ACTR3C: variants seen among roughly 807,000 people sequenced by gnomAD.
The protein encoded by ACTR3C is actin-related protein 3C.
Under a neutral mutation model 26.3 loss-of-function variants are expected in ACTR3C, and 18 were observed. That is an observed-to-expected ratio of 0.68 (90% CI 0.47 to 1.01). The LOEUF is 1.01. ACTR3C is among the 50% of genes least tolerant of loss of function. The pLI is 0.00. For synonymous variants in ACTR3C, 55 were observed against 94.5 expected (o/e 0.58, Z 2.42); for missense variants, 184 against 250.7 (o/e 0.73, Z 1.80).
chr7:150,158,475 T>C, the ACTR3C span, among the ~76,000 whole-genome samples: 1 of 152,070 alleles, frequency 6.6e-6, no homozygotes, highest in Admixed American at 6.5e-5. Context: ...ATGAAGAAAT[T>C]GTAGTAACTA....
chr7:150,253,627 A>G, intron 6 of ACTR3C, among the ~76,000 whole-genome samples: 1 of 152,008 alleles, frequency 6.6e-6, no homozygotes, highest in Non-Finnish European at 1.5e-5. Flanking sequence ...AAATTACCAA[A>G]TACCAATCAT....
intron 1 of ACTR3C, among the ~76,000 whole-genome samples, chr7:150,299,679 G>A (rs1795272490): frequency 1.3e-5 from 2 of 151,850 alleles, no homozygotes; most frequent in South Asian, 4.2e-4. Flanking sequence ...CCAGCCAGTC[G>A]GGTGGCTGAG....
the ACTR3C span, among the ~76,000 whole-genome samples, chr7:150,008,730 C>CTGCTATCTGCT: frequency 2.0e-5 from 3 of 151,002 alleles, no homozygotes; most frequent in African/African-American, 7.3e-5. Context: ...TGCACATCTG[C>CTGCTATCTGCT]TGCTATCAAG....
chr7:149,943,398 A>T, the ACTR3C span, among the ~76,000 whole-genome samples: 1 of 151,512 alleles, frequency 6.6e-6, no homozygotes, highest in Non-Finnish European at 1.5e-5. Context: ...TTATCAATGG[A>T]TGTGAAATGG....
the ACTR3C span, among the ~76,000 whole-genome samples, chr7:150,159,610 TCA>T: frequency 1.3e-5 from 2 of 152,062 alleles, no homozygotes; most frequent in Non-Finnish European, 2.9e-5. Context: ...CGCCAAAACC[TCA>T]GATAACTAAC....
At chr7:149,952,905 C>A in the ACTR3C span, among the ~76,000 whole-genome samples, 9 of 152,034 alleles carry the variant, frequency 5.9e-5, no homozygotes, top group South Asian at 1.7e-3. Context: ...AATTCTCCAA[C>A]ACACCTCATA....
chr7:150,200,106 A>T, the ACTR3C span, among the ~76,000 whole-genome samples: 1 of 152,238 alleles, frequency 6.6e-6, no homozygotes, highest in Non-Finnish European at 1.5e-5. Context: ...ACTGTATGGT[A>T]CCATTCCGAT....
chr7:150,269,269 G>T (rs1015223018), intron 6 of ACTR3C, among the ~76,000 whole-genome samples: 2 of 120,344 alleles, frequency 1.7e-5, no homozygotes, highest in African/African-American at 7.4e-5. Flanking sequence ...AGAAGACAAA[G>T]CAGTAGAAAC....
the ACTR3C span, among the ~76,000 whole-genome samples, chr7:149,922,224 G>A: frequency 2.3e-5 from 3 of 132,954 alleles, no homozygotes; most frequent in African/African-American, 7.6e-5. Flanking sequence ...TGTTCTGGGT[G>A]TATATCTAAT....
chr7:150,124,710 C>G, the ACTR3C span, among the ~76,000 whole-genome samples: 1 of 152,154 alleles, frequency 6.6e-6, no homozygotes, highest in South Asian at 2.1e-4. Flanking sequence ...TCCCCTTCAC[C>G]CTTCCCAGTC....
At chr7:150,063,481 C>A in the ACTR3C span, among the ~76,000 whole-genome samples, 1 of 151,244 alleles carries the variant, frequency 6.6e-6, no homozygotes, top group Non-Finnish European at 1.5e-5. Context: ...AAAGCTGGCT[C>A]TCTCCTCTCT....
At chr7:150,034,640 G>A in the ACTR3C span, among the ~76,000 whole-genome samples, 2 of 150,042 alleles carry the variant, frequency 1.3e-5, no homozygotes, top group Admixed American at 6.7e-5. Context: ...AGCTGCCTTC[G>A]GACCCGTCGG....
the ACTR3C span, among the ~76,000 whole-genome samples, chr7:149,883,063 T>C: frequency 6.6e-6 from 1 of 152,190 alleles, no homozygotes; most frequent in African/African-American, 2.4e-5. Flanking sequence ...GAGGTACGAC[T>C]CTAAGTGTTT....
chr7:150,033,779 T>TG, the ACTR3C span, among the ~76,000 whole-genome samples: 5 of 140,396 alleles, frequency 3.6e-5, no homozygotes, highest in African/African-American at 5.4e-5. Context: ...CCTCCTGCGA[T>TG]GGGGGTCCTC....
At chr7:150,015,163 C>A in the ACTR3C span, among the ~76,000 whole-genome samples, 2 of 152,124 alleles carry the variant, frequency 1.3e-5, no homozygotes, top group African/African-American at 4.8e-5. Flanking sequence ...TGCTATGTGA[C>A]TCTCTAGGGG....
At chr7:150,041,658 T>G in the ACTR3C span, among the ~76,000 whole-genome samples, 2 of 90,718 alleles carry the variant, frequency 2.2e-5, no homozygotes, top group Non-Finnish European at 4.2e-5. Context: ...GCGATGAGGG[T>G]AGCAACAGCC....
chr7:150,033,680 T>G, the ACTR3C span, among the ~76,000 whole-genome samples: 4 of 149,558 alleles, frequency 2.7e-5, no homozygotes, highest in Non-Finnish European at 4.4e-5. Context: ...TCGCGGGGGG[T>G]GCCTCCCCCA....
chr7:149,891,190 C>A, the ACTR3C span: 2 of 872,268 alleles, frequency 2.3e-6, no homozygotes, highest in Non-Finnish European at 1.8e-6. Flanking sequence ...CAGTTACTCA[C>A]CATTAAAAAA....
the ACTR3C span, among the ~76,000 whole-genome samples, chr7:149,996,208 C>A: frequency 6.6e-5 from 10 of 152,162 alleles, no homozygotes; most frequent in African/African-American, 2.4e-4. Context: ...CCGAGTGTGG[C>A]TCCATGGAAA....
Sources: allele counts gnomAD v4.1 joint callset (sites outside exome capture counted in the v4.1 genomes callset), GRCh38; gene constraint gnomAD v4.1.1; transcripts MANE v1.5; gene names NCBI Gene and HGNC (gene_info 2026-07-23, HGNC 2026-07-21).